The following PNO1 variants were observed in gnomAD, a reference collection of about 807,000 sequenced individuals.
PNO1 encodes RNA-binding protein PNO1.
Under a neutral mutation model 28.4 loss-of-function variants are expected in PNO1, and 16 were observed. The ratio of observed to expected loss-of-function variants is 0.56; its 90% confidence interval spans 0.38 to 0.85. The LOEUF (loss-of-function observed/expected upper bound fraction) is 0.85. Ranked by LOEUF, PNO1 falls within the 40% of genes least tolerant of loss-of-function variation. The pLI, the probability that PNO1 is intolerant of heterozygous loss-of-function variation, is 0.00. For synonymous variants in PNO1, 115 were observed against 110.8 expected, an observed-to-expected ratio of 1.04 and a Z score of -0.24; for missense variants, 304 against 312.2, an observed-to-expected ratio of 0.97 and a Z score of 0.20.
intron 5 of PNO1, among the ~76,000 whole-genome samples, chr2:68,167,761 C>T (rs1290181230): frequency 2.6e-5 from 4 of 152,344 alleles, no homozygotes; most frequent in Non-Finnish European, 5.9e-5. Context: ...AGCTGCTTCT[C>T]CTGTTACCCT....
At chr2:68,170,165 A>G (rs72892466) in intron 5 of PNO1, among the ~76,000 whole-genome samples, 3,409 of 152,298 alleles carry the variant, frequency 0.022, 88 homozygotes, top group African/African-American at 0.07. Flanking sequence ...TGTACCTATA[A>G]AAGTTATTTT....
At position 68,157,888 on chromosome 2, in the gene PNO1, G is replaced by GCAGCTGCGCACGTGTTT; in HGVS notation, c.-42_-26dup. On this transcript the variant is annotated 5_prime_UTR_variant, in exon 1 of 7. Transcript: ENST00000263657. ...TGGCTGAGGCTGGCTTCTGCGTGGT[G>GCAGCTGCGCACGTGTTT]CAGCTGCGCACGTGTTTCAGCCGGC... The GCAGCTGCGCACGTGTTT allele has an allele frequency of 6.4e-7, 1 of 1,554,918 alleles. No individual in the cohort carries two copies. The highest frequency in any genetic ancestry group is 8.9e-7 in the Non-Finnish European group (1 of 1,128,382).
At chr2:68,160,678 C>T (rs1031692739) in intron 2 of PNO1, among the ~76,000 whole-genome samples, 1 of 152,320 alleles carries the variant, frequency 6.6e-6, no homozygotes, top group East Asian at 1.9e-4. Context: ...AACTTGGCCA[C>T]AGTCATCAGT....
At chr2:68,167,383 A>T (rs1181424909) in intron 5 of PNO1, among the ~76,000 whole-genome samples, 1 of 152,196 alleles carries the variant, frequency 6.6e-6, no homozygotes, top group Non-Finnish European at 1.5e-5. Context: ...TTCAGGGAAA[A>T]AGCATCAATG....
At chr2:68,169,161 C>G (rs1674065782) in intron 5 of PNO1, among the ~76,000 whole-genome samples, 1 of 152,012 alleles carries the variant, frequency 6.6e-6, no homozygotes, top group Admixed American at 6.6e-5. Context: ...AATCTCGTGA[C>G]CTCGCAGTCC....
intron 5 of PNO1, among the ~76,000 whole-genome samples, chr2:68,164,936 AG>A (rs1437631010): frequency 2.6e-5 from 4 of 152,230 alleles, no homozygotes. Context: ...TTGATATCAT[AG>A]GATACTTCTC....
At chr2:68,173,546 G>T in intron 6 of PNO1, 129 bp downstream of exon 6, 1 of 560,674 alleles carries the variant, frequency 1.8e-6, no homozygotes. Context: ...CTTGGGAGTT[G>T]GCAAAGGTGG....
rs1674186382 is a variant in PNO1, at chr2:68,173,514, T to C, written c.691+97T>C. The stretch of plus-strand genomic sequence containing the variant: ...ATTTGCAAAGCAATTTAGGGTAATA[T>C]TAAAGATCGCAAGTAGAAACCCTTG... On this transcript the variant is annotated intron_variant, in intron 6 of 6. Coordinates refer to ENST00000263657, the MANE Select transcript of PNO1 (RefSeq NM_020143.4). The C allele has an allele frequency of 8.2e-6, 6 of 733,716 alleles. No individual in the cohort carries two copies. In the Admixed American group the frequency reaches 1.4e-4, roughly 17 times the overall value. The allele number at this position is 733,716 out of a possible 1,614,324, so 45.5% of individuals were successfully genotyped here.
At chr2:68,172,974 G>A (rs1003506768) in intron 5 of PNO1, 23 of 171,064 alleles carry the variant, frequency 1.3e-4, no homozygotes, top group Middle Eastern at 2.4e-3. Context: ...ATGGAGTTGT[G>A]CAGCCATAAC....
chr2:68,170,574 C>T (rs1674100917), intron 5 of PNO1, among the ~76,000 whole-genome samples: 2 of 151,854 alleles, frequency 1.3e-5, no homozygotes. Context: ...GGTGAAACCC[C>T]GTCTCTACTA....
chr2:68,165,236 C>T (rs916709694), intron 5 of PNO1, among the ~76,000 whole-genome samples: 4 of 150,226 alleles, frequency 2.7e-5, no homozygotes, highest in Admixed American at 6.6e-5. Context: ...TAGTGGCGGG[C>T]GCCTGTAGTC....
chr2:68,162,642 C>T lies in PNO1; in HGVS notation c.599C>T (p.Thr200Ile). ...TTCACCATAGAGAATGTGACACGGA[C>T]AAGGATAGTTTTGGCTGATGTGTAA... The part of the protein sequence containing the change: ...TKFTIENVTR[T>I]RIVLADVKVH... Residue 200 changes from threonine (T) to isoleucine (I), a missense_variant, in exon 5 of 7, where the codon ACA becomes ATA. Coordinates refer to ENST00000263657, the MANE Select transcript of PNO1 (RefSeq NM_020143.4). 6.2e-7 allele frequency: 1 copy of T among 1,609,860 alleles called. No homozygotes were observed. The highest frequency in any genetic ancestry group is 8.5e-7 in the Non-Finnish European group (1 of 1,176,202).
chr2:68,158,894 C>T (rs78556816), intron 2 of PNO1, among the ~76,000 whole-genome samples: 3,494 of 152,230 alleles, frequency 0.023, 134 homozygotes, highest in African/African-American at 0.079. Context: ...CAGTCAGCGT[C>T]GGGAATATGT....
chr2:68,160,676 C>T (rs1673807789), intron 2 of PNO1, among the ~76,000 whole-genome samples: 1 of 152,156 alleles, frequency 6.6e-6, no homozygotes, highest in Non-Finnish European at 1.5e-5. Context: ...GAAACTTGGC[C>T]ACAGTCATCA....
chr2:68,169,790 C>G (rs1475724922), intron 5 of PNO1, among the ~76,000 whole-genome samples: 2 of 152,094 alleles, frequency 1.3e-5, no homozygotes, highest in Non-Finnish European at 2.9e-5. Flanking sequence ...TTTGACATTT[C>G]TACGATACTT....
intron 3 of PNO1, 103 bp from the exon 4 acceptor site, chr2:68,162,162 A>G: frequency 1.2e-6 from 1 of 815,544 alleles, no homozygotes; most frequent in Non-Finnish European, 2.0e-6. Flanking sequence ...AAAGCTTTCT[A>G]GCTCTAGAGT....
rs188061485 is a variant in PNO1, at chr2:68,172,174, G to T, written c.621-1173G>T. ...TGGTGATGGGGAATAGCAAGAGAAA[G>T]CAAGCCAAGAGCTAACATCTTCACA... On this transcript the variant is annotated intron_variant, in intron 5 of 6. Coordinates refer to ENST00000263657, the MANE Select transcript of PNO1 (RefSeq NM_020143.4). 2.2e-3 allele frequency among the ~76,000 whole-genome samples: 328 copies of T among 152,322 alleles called. 1 individual carries two copies. Among genetic ancestry groups the T allele is most frequent in the African/African-American group, 7.3e-3 (304 of 41,560 alleles).
At chr2:68,158,204 C>T (rs1356810444) in intron 1 of PNO1, 63 bp downstream of exon 1, 7 of 1,487,424 alleles carry the variant, frequency 4.7e-6, no homozygotes, top group African/African-American at 2.8e-5. Flanking sequence ...AAGCCGATGG[C>T]CTCTGGAGAA....
intron 5 of PNO1, among the ~76,000 whole-genome samples, chr2:68,170,772 C>G (rs1572942112): frequency 7.1e-6 from 1 of 140,444 alleles, no homozygotes; most frequent in Non-Finnish European, 1.6e-5. Context: ...AAAAAAAAGC[C>G]AAAAATTTCT....
Sources: allele counts gnomAD v4.1 joint callset (sites outside exome capture counted in the v4.1 genomes callset), GRCh38; gene constraint gnomAD v4.1.1; transcripts MANE v1.5; gene names NCBI Gene and HGNC (gene_info 2026-07-23, HGNC 2026-07-21).